Variants in FRMD4B observed in about 807,000 individuals in gnomAD.
FRMD4B encodes FERM domain containing 4B.
Under a neutral mutation model 141.5 loss-of-function variants are expected in FRMD4B, and 74 were observed. The ratio of observed to expected loss-of-function variants is 0.52; its 90% CI spans 0.43 to 0.63. The LOEUF is 0.63. FRMD4B is among the 30% of genes least tolerant of loss of function. The pLI is 0.00. For missense variants in FRMD4B, 1,366 were observed against 1,253.4 expected, an observed-to-expected ratio of 1.09 and a Z score of -1.36; for synonymous variants, 506 against 467.9, an observed-to-expected ratio of 1.08 and a Z score of -1.05.
At chr3:69,503,171 C>A (rs1706530032) in intron 1 of FRMD4B, among the ~76,000 whole-genome samples, 1 of 152,134 alleles carries the variant, frequency 6.6e-6, no homozygotes, top group Non-Finnish European at 1.5e-5. Flanking sequence ...TTGACCCAGC[C>A]ATCCCATTAC....
chr3:69,459,829 T>C (rs756834757), intron 1 of FRMD4B, among the ~76,000 whole-genome samples: 1 of 152,236 alleles, frequency 6.6e-6, no homozygotes, highest in Non-Finnish European at 1.5e-5. Context: ...TCTTTTGTGT[T>C]CCATATTGAA....
intron 1 of FRMD4B, among the ~76,000 whole-genome samples, chr3:69,444,207 A>G (rs1705380743): frequency 6.6e-6 from 1 of 152,116 alleles, no homozygotes; most frequent in African/African-American, 2.4e-5. Context: ...AACAGCCCCA[A>G]TCCTTCTGCT....
intron 4 of FRMD4B, among the ~76,000 whole-genome samples, chr3:69,299,377 AGATGCAT>A (rs1379926308): frequency 6.6e-6 from 1 of 152,184 alleles, no homozygotes; most frequent in Admixed American, 6.5e-5. Flanking sequence ...TTATCTCCTA[AGATGCAT>A]GAGCGATGAG....
At chr3:69,340,947 TAAA>T (rs1296710094) in intron 1 of FRMD4B, among the ~76,000 whole-genome samples, 1 of 151,806 alleles carries the variant, frequency 6.6e-6, no homozygotes, top group Non-Finnish European at 1.5e-5. Flanking sequence ...AGTTGTGTAA[TAAA>T]AAAAGGAGTT....
chr3:69,368,035 C>G (rs1244205076), intron 1 of FRMD4B, among the ~76,000 whole-genome samples: 1 of 152,130 alleles, frequency 6.6e-6, no homozygotes, highest in Admixed American at 6.5e-5. Context: ...TTCTGGGATG[C>G]TTTTCCTTCT....
intron 1 of FRMD4B, among the ~76,000 whole-genome samples, chr3:69,461,026 C>T (rs918095308): frequency 1.3e-5 from 2 of 152,192 alleles, no homozygotes; most frequent in Non-Finnish European, 1.5e-5. Flanking sequence ...TAGCATTCTA[C>T]ATCTGAAGTT....
intron 20 of FRMD4B, among the ~76,000 whole-genome samples, 192 bp from the exon 21 acceptor site, chr3:69,181,902 A>G (rs1022655712): frequency 1.1e-4 from 16 of 152,156 alleles, no homozygotes; most frequent in East Asian, 1.9e-4. Flanking sequence ...CATTTTGACC[A>G]TGGTCAAAAT....
intron 1 of FRMD4B, among the ~76,000 whole-genome samples, chr3:69,477,583 A>G (rs1706024793): frequency 6.6e-6 from 1 of 151,840 alleles, no homozygotes; most frequent in Non-Finnish European, 1.5e-5. Flanking sequence ...AAGCTTTTTG[A>G]TGTGCTGCTA....
chr3:69,401,346 A>G (rs1704560677), intron 2 of FRMD4B, among the ~76,000 whole-genome samples: 1 of 152,202 alleles, frequency 6.6e-6, no homozygotes. Context: ...GGTTGTCCCA[A>G]AGCAATTTTA....
In FRMD4B at chr3:69,187,330, G is replaced by A. The variant is rs1458594245; in HGVS notation, c.1919+440C>T. 6.6e-5 allele frequency among the ~76,000 whole-genome samples: 10 copies of A among 151,976 alleles called. No individual in the cohort carries two copies. In the East Asian group the frequency reaches 1.7e-3, roughly 27 times the overall value. ...GGAGGCCGAGGCAGGCAGATCACCT[G>A]AGGTTGGGAGTTCGAGACCACCCGG... On this transcript the variant is annotated intron_variant, in intron 19 of 22. Transcript: ENST00000398540.
chr3:69,175,895 T>C lies in FRMD4B; in HGVS notation c.2984+629A>G, dbSNP rs906712784. ...TCTGGGGTTCACGCCATTCTCCTGCTTCAGCCTCCCGAGTAGCTGGGACTA... is the reference window on the plus strand; with the variant it reads ...TCTGGGGTTCACGCCATTCTCCTGCCTCAGCCTCCCGAGTAGCTGGGACTA... On this transcript the variant is annotated intron_variant, in intron 22 of 22. Transcript: ENST00000398540. Among the ~76,000 whole-genome samples, 8 of 151,000 alleles carry C rather than the reference T, an allele frequency of 5.3e-5. No homozygotes were observed. In the South Asian group the frequency reaches 1.7e-3, roughly 32 times the overall value.
intron 4 of FRMD4B, among the ~76,000 whole-genome samples, chr3:69,299,550 T>A (rs1349635516): frequency 1.3e-5 from 2 of 152,162 alleles, no homozygotes; most frequent in Non-Finnish European, 2.9e-5. Flanking sequence ...ATTGTGTAGT[T>A]TGAAAAATGT....
chr3:69,329,694 A>AT (rs59514189), intron 1 of FRMD4B, among the ~76,000 whole-genome samples: 7 of 149,488 alleles, frequency 4.7e-5, no homozygotes, highest in East Asian at 2.0e-4. Flanking sequence ...GGCCTGGCTA[A>AT]TTTTTTTTTG....
rs753616796 is a variant in FRMD4B at position 69,181,571 on chromosome 3, C to T, written c.2179G>A (p.Asp727Asn). Reference sequence around the variant, plus strand: ...TGGCTTGTATAAGAAGACCCGTCATCGAGGATTTCTGTGCTGCTGCTTCTT... The same window carrying T: ...TGGCTTGTATAAGAAGACCCGTCATTGAGGATTTCTGTGCTGCTGCTTCTT... ...SQRSSSTEIL[D>N]DGSSYTSQSS... Residue 727 changes from aspartate (D) to asparagine (N), a missense_variant, in exon 21 of 23, where the codon GAT becomes AAT. Transcript: ENST00000398540. 3 of 1,613,724 alleles carry T rather than the reference C, an allele frequency of 1.9e-6. No individual in the cohort carries two copies. The highest frequency in any genetic ancestry group is 2.7e-5 in the African/African-American group (2 of 74,876).
chr3:69,445,808 AGC>A (rs1207343490), intron 1 of FRMD4B, among the ~76,000 whole-genome samples: 6 of 152,162 alleles, frequency 3.9e-5, no homozygotes, highest in Non-Finnish European at 8.8e-5. Context: ...AATAGTATTA[AGC>A]TACGTTTGTG....
chr3:69,527,582 A>C lies in FRMD4B; in HGVS notation c.-129+14624T>G, dbSNP rs1036818110. On this transcript the variant is annotated intron_variant, in intron 1 of 5. Transcript: ENST00000459638. Reference sequence around the variant, plus strand: ...AGAAGCTATTTTTATTTCCACCTTTATATTTGGGATATTTTTAAAATACAA... The same window carrying C: ...AGAAGCTATTTTTATTTCCACCTTTCTATTTGGGATATTTTTAAAATACAA... Among the ~76,000 whole-genome samples the C allele has an allele frequency of 2.6e-5, 4 of 152,334 alleles. No individual in the cohort carries two copies. The East Asian group carries it at 7.7e-4, about 29-fold the overall frequency.
intron 1 of FRMD4B, among the ~76,000 whole-genome samples, chr3:69,364,895 G>A (rs1329387400): frequency 6.6e-6 from 1 of 151,414 alleles, no homozygotes; most frequent in Non-Finnish European, 1.5e-5. Flanking sequence ...TAAAGGCCTT[G>A]GTGATTCCTT....
chr3:69,225,080 A>T (rs1293650793), intron 7 of FRMD4B, among the ~76,000 whole-genome samples: 1 of 152,204 alleles, frequency 6.6e-6, no homozygotes, highest in African/African-American at 2.4e-5. Context: ...AACCATTCAC[A>T]TAACATCAAC....
intron 1 of FRMD4B, among the ~76,000 whole-genome samples, chr3:69,326,148 G>C (rs1378829658): frequency 1.4e-5 from 2 of 138,404 alleles, no homozygotes; most frequent in Admixed American, 1.5e-4. Flanking sequence ...GTAGAGATAA[G>C]GTCTCACTAT....
Sources: allele counts gnomAD v4.1 joint callset (sites outside exome capture counted in the v4.1 genomes callset), GRCh38; gene constraint gnomAD v4.1.1; transcripts MANE v1.5; gene names NCBI Gene and HGNC (gene_info 2026-07-23, HGNC 2026-07-21).